The following ACSM3 variants were observed in gnomAD, a reference collection of about 807,000 sequenced individuals.
ACSM3 encodes acyl-coenzyme A synthetase ACSM3, mitochondrial.
In ACSM3, 61 loss-of-function variants were observed where a neutral mutation model predicts 74.1. That is an observed-to-expected ratio of 0.82 (90% confidence interval 0.67 to 1.02). The LOEUF (loss-of-function observed/expected upper bound fraction) is 1.02, where lower values mean the gene tolerates loss of function less well. Among genes scored for constraint, ACSM3 ranks in the 50% least tolerant of loss-of-function variants. The pLI, the probability that ACSM3 is intolerant of heterozygous loss-of-function variation, is 0.00. For synonymous variants in ACSM3, 213 were observed against 241.5 expected (o/e 0.88, Z 1.09); for missense variants, 660 against 697.0 (o/e 0.95, Z 0.60).
chr16:20,754,493 C>T (rs2080013248), intron 2 of ACSM3, among the ~76,000 whole-genome samples: 2 of 152,154 alleles, frequency 1.3e-5, no homozygotes, highest in South Asian at 4.1e-4. Context: ...GAACTTCCCA[C>T]CAGAACAGTG....
chr16:20,772,869 A>G (rs1014692992), intron 2 of ACSM3, among the ~76,000 whole-genome samples: 1 of 152,034 alleles, frequency 6.6e-6, no homozygotes, highest in African/African-American at 2.4e-5. Flanking sequence ...AGGGAGGCTA[A>G]GGGAGGAGAA....
chr16:20,730,806 C>CA (rs772805051), intron 1 of ACSM3, among the ~76,000 whole-genome samples: 34 of 151,554 alleles, frequency 2.2e-4, no homozygotes, highest in Non-Finnish European at 4.3e-4. Context: ...CAATATGAGG[C>CA]AAAAAACGAC....
intron 1 of ACSM3, among the ~76,000 whole-genome samples, chr16:20,692,101 G>A (rs751188664): frequency 2.6e-5 from 4 of 152,144 alleles, no homozygotes; most frequent in Non-Finnish European, 5.9e-5. Context: ...AGACTATAAA[G>A]ATACTGAAAA....
At chr16:20,698,594 C>T (rs1567318708) in intron 1 of ACSM3, among the ~76,000 whole-genome samples, 3 of 152,074 alleles carry the variant, frequency 2.0e-5, no homozygotes, top group East Asian at 3.9e-4. Context: ...CTGCAACCTC[C>T]GCCTCCCAGG....
chr16:20,773,117 C>T (rs2080213697), intron 2 of ACSM3, among the ~76,000 whole-genome samples: 1 of 152,026 alleles, frequency 6.6e-6, no homozygotes, highest in African/African-American at 2.4e-5. Context: ...TATGTGTGTC[C>T]AGGAATTTAT....
chr16:20,728,449 T>A (rs376466374), intron 1 of ACSM3: 15 of 1,388,394 alleles, frequency 1.1e-5, no homozygotes, highest in African/African-American at 7.4e-5. Flanking sequence ...GCCCTCAGAC[T>A]AAAGTCTACA....
chr16:20,721,732 C>T (rs532567516), intron 1 of ACSM3: 1 of 152,262 alleles, frequency 6.6e-6, no homozygotes, highest in South Asian at 2.1e-4. Flanking sequence ...CATGCCATAG[C>T]TAGAATAAAG....
At chr16:20,697,123 A>T (rs1172586420) in intron 1 of ACSM3, among the ~76,000 whole-genome samples, 1 of 152,066 alleles carries the variant, frequency 6.6e-6, no homozygotes, top group African/African-American at 2.4e-5. Flanking sequence ...CCTGGACTGG[A>T]GTGCAGTGGT....
At chr16:20,718,133 GAGA>G in intron 1 of ACSM3, among the ~76,000 whole-genome samples, 1 of 151,892 alleles carries the variant, frequency 6.6e-6, no homozygotes, top group Non-Finnish European at 1.5e-5. Flanking sequence ...AAAAGAAAAG[GAGA>G]AGGAGAAGGA....
chr16:20,796,473 A>C lies in ACSM3; in HGVS notation c.1658A>C (p.Tyr553Ser). 27 of 1,613,026 alleles carry C rather than the reference A, an allele frequency of 1.7e-5. No individual in the cohort carries two copies. Among genetic ancestry groups the C allele is most frequent in the Non-Finnish European group, 2.3e-5 (27 of 1,179,776 alleles). The change falls in exon 13 of 14, where the codon TAC (tyrosine) becomes TCC (serine). Residue 553 changes from tyrosine (Y) to serine (S), a missense_variant. Coordinates refer to ENST00000289416, the MANE Select transcript of ACSM3 (RefSeq NM_005622.4). ...QEHVKKTTAP[Y>S]KYPRKVEFIQ... ...CATGTTAAAAAAACTACAGCACCTT[A>C]CAAATATCCCAGAAAGGTAGGCATC...
rs2080736563 is a variant in ACSM3 at position 20,797,021 on chromosome 16, A to C, written c.*49A>C. The C allele has an allele frequency of 1.3e-6, 2 of 1,592,072 alleles. No individual in the cohort carries two copies. The highest frequency in any genetic ancestry group is 1.7e-6 in the Non-Finnish European group (2 of 1,172,324). On this transcript the variant is annotated 3_prime_UTR_variant, in exon 14 of 14. Transcript: ENST00000289416. Reference sequence around the variant, plus strand: ...CTATAAAACAAACATAGTATCTGTCAATCTCTAGAAACCACAAGATGATGG... The same window carrying C: ...CTATAAAACAAACATAGTATCTGTCCATCTCTAGAAACCACAAGATGATGG...
rs150263168 is a variant in ACSM3, at chr16:20,716,741, C to G, written c.-189-33169C>G. Among the ~76,000 whole-genome samples, 539 of 152,266 alleles carry G rather than the reference C, an allele frequency of 3.5e-3. 6 individuals carry two copies. Among genetic ancestry groups the G allele is most frequent in the African/African-American group, 0.012 (516 of 41,556 alleles). ...TAGTGTGGGCTCCTAGAGCTCAGGG[C>G]CTTCGCAGCCTGCATACCAGCGTTG... is the stretch of plus-strand genomic sequence containing the variant. On this transcript the variant is annotated intron_variant, in intron 1 of 3. Coordinates refer to the ACSM3 transcript ENST00000561584.
At chr16:20,691,751 ATGTGTGTGTGTGTGTGTG>A (rs59929923) in intron 1 of ACSM3, among the ~76,000 whole-genome samples, 46,021 of 133,992 alleles carry the variant, frequency 0.34, 8,808 homozygotes, top group Non-Finnish European at 0.44. Context: ...TACCTCTCCA[ATGTGTGTGTGTGTGTGTG>A]TGTGTGTGTG....
rs2080743371 is a variant in ACSM3, at chr16:20,797,478, A to G, written c.*506A>G. On this transcript the variant is annotated 3_prime_UTR_variant, in exon 14 of 14. Coordinates refer to ENST00000289416, the MANE Select transcript of ACSM3 (RefSeq NM_005622.4). ...TTATTAGTCACATTTTTTGCAAATA[A>G]TTTAAAAATAGTTTAGACTTGTTTC... is the stretch of plus-strand genomic sequence containing the variant. 1 of 1,090,740 alleles carries G rather than the reference A, an allele frequency of 9.2e-7. No homozygotes were observed. The highest frequency in any genetic ancestry group is 4.5e-5 in the South Asian group (1 of 22,458). The allele number at this position is 1,090,740 out of a possible 1,614,324, so 67.6% of individuals were successfully genotyped here.
upstream of ACSM3, among the ~76,000 whole-genome samples, chr16:20,759,409 A>T (rs2080058205): frequency 6.6e-6 from 1 of 151,992 alleles, no homozygotes; most frequent in South Asian, 2.1e-4. Context: ...AATACAAAAA[A>T]ATTAGCCAAG....
chr16:20,770,086 C>T lies in ACSM3; in HGVS notation c.52C>T (p.Arg18Cys), dbSNP rs754068408. The T allele has an allele frequency of 1.2e-5, 20 of 1,613,978 alleles. No individual in the cohort carries two copies. The highest frequency in any genetic ancestry group is 1.7e-5 in the Admixed American group (1 of 59,992). ...GCTACGTCATGCCAAGTGTTTTCAG[C>T]GCCTAGCAATTTTTGGTTCTGTGAG... ...KMLRHAKCFQ[R>C]LAIFGSVRAL... Residue 18 changes from arginine to cysteine, a missense_variant, in exon 2 of 14, where the codon CGC (arginine) becomes TGC (cysteine). Arg to Cys is a radical substitution (Grantham distance 180, BLOSUM62 -3). Transcript: ENST00000289416.
At chr16:20,727,915 C>T (rs2079812386) in intron 1 of ACSM3, among the ~76,000 whole-genome samples, 1 of 152,200 alleles carries the variant, frequency 6.6e-6, no homozygotes, top group Admixed American at 6.5e-5. Flanking sequence ...GGACTCCACT[C>T]CACACCTAAT....
At chr16:20,772,329 T>A (rs575024437) in intron 2 of ACSM3, among the ~76,000 whole-genome samples, 1 of 151,938 alleles carries the variant, frequency 6.6e-6, no homozygotes, top group Admixed American at 6.5e-5. Flanking sequence ...CCTAGGGGAG[T>A]CTCAGAGCCT....
chr16:20,770,527 A>C (rs904790146), intron 2 of ACSM3, among the ~76,000 whole-genome samples: 3 of 150,338 alleles, frequency 2.0e-5, no homozygotes, highest in African/African-American at 7.3e-5. Flanking sequence ...TTCTAGGTTG[A>C]CTTAAAAAAA....
Sources: allele counts gnomAD v4.1 joint callset (sites outside exome capture counted in the v4.1 genomes callset), GRCh38; gene constraint gnomAD v4.1.1; transcripts MANE v1.5; gene names NCBI Gene and HGNC (gene_info 2026-07-23, HGNC 2026-07-21).